ARHGAP10: variants seen among roughly 807,000 people sequenced by gnomAD.
ARHGAP10 encodes Rho GTPase activating protein 10.
A neutral mutation model predicts 108.6 loss-of-function variants in ARHGAP10; 87 were observed. The observed-to-expected ratio is 0.80, with a 90% CI of 0.67 to 0.96. ARHGAP10 has a LOEUF of 0.96. Ranked by LOEUF, ARHGAP10 falls within the 40% of genes least tolerant of loss-of-function variation. The pLI, the probability that ARHGAP10 is intolerant of heterozygous loss-of-function variation, is 0.00. For missense variants in ARHGAP10, 939 were observed against 954.5 expected, an observed-to-expected ratio of 0.98 and a Z score of 0.21; for synonymous variants, 347 against 341.1, an observed-to-expected ratio of 1.02 and a Z score of -0.19.
intron 18 of ARHGAP10, among the ~76,000 whole-genome samples, chr4:148,016,027 G>A (rs1359115832): frequency 6.6e-6 from 1 of 152,192 alleles, no homozygotes; most frequent in Non-Finnish European, 1.5e-5. Flanking sequence ...GTCAAGACAT[G>A]TACAGTGGAG....
intron 14 of ARHGAP10, among the ~76,000 whole-genome samples, chr4:147,944,757 T>A (rs543459961): frequency 6.6e-6 from 1 of 152,308 alleles, no homozygotes; most frequent in Non-Finnish European, 1.5e-5. Context: ...GTCTTTTCCA[T>A]GAACCTCTTA....
chr4:147,965,250 C>T, intron 17 of ARHGAP10, 121 bp downstream of exon 17: 1 of 621,850 alleles, frequency 1.6e-6, no homozygotes, highest in Non-Finnish European at 2.7e-6. Context: ...GAACGTTTGA[C>T]TCATTGTGTG....
In ARHGAP10 at chr4:147,925,718, A is replaced by G. The variant is rs567078718; in HGVS notation, c.1228+12579A>G. Among the ~76,000 whole-genome samples the G allele has an allele frequency of 5.9e-5, 9 of 152,314 alleles. No homozygotes were observed. The South Asian group carries it at 8.3e-4, about 14-fold the overall frequency. Reference sequence around the variant, plus strand: ...CTTTCATGTTAACCAGTTATCCTGCATAGTTCCACGGATACTAGTAGAAGA... The same window carrying G: ...CTTTCATGTTAACCAGTTATCCTGCGTAGTTCCACGGATACTAGTAGAAGA... On this transcript the variant is annotated intron_variant, in intron 13 of 22. Transcript: ENST00000336498.
At chr4:148,031,829 A>G (rs1026758984) in intron 19 of ARHGAP10, among the ~76,000 whole-genome samples, 1 of 152,164 alleles carries the variant, frequency 6.6e-6, no homozygotes, top group Non-Finnish European at 1.5e-5. Context: ...TCCAGGAGAA[A>G]AATCCAGGCC....
intron 17 of ARHGAP10, 57 bp from the exon 18 acceptor site, chr4:147,966,622 CA>C: frequency 2.1e-6 from 3 of 1,435,612 alleles, no homozygotes; most frequent in Non-Finnish European, 2.8e-6. Context: ...AGACTATTTA[CA>C]GTCCACAATT....
intron 10 of ARHGAP10, among the ~76,000 whole-genome samples, chr4:147,894,880 T>C (rs909534574): frequency 6.6e-5 from 10 of 152,208 alleles, no homozygotes; most frequent in African/African-American, 2.4e-4. Context: ...TTGCATCTCT[T>C]TGTCTGTTCT....
intron 13 of ARHGAP10, among the ~76,000 whole-genome samples, chr4:147,927,062 A>G (rs145868529): frequency 2.0e-4 from 30 of 152,308 alleles, no homozygotes; most frequent in African/African-American, 7.0e-4. Flanking sequence ...TGCTTCCAAG[A>G]CTGTGTTTTA....
At chr4:147,734,539 T>C (rs770348181) in intron 1 of ARHGAP10, among the ~76,000 whole-genome samples, 2 of 152,198 alleles carry the variant, frequency 1.3e-5, no homozygotes, top group African/African-American at 4.8e-5. Context: ...CTCACATGCC[T>C]TTTCCCGCTT....
intron 3 of ARHGAP10, among the ~76,000 whole-genome samples, chr4:147,837,641 C>CTTTTTTTTTTTTTTTTTTT (rs1355564479): frequency 2.0e-4 from 3 of 14,714 alleles, no homozygotes; most frequent in Non-Finnish European, 1.3e-3. Flanking sequence ...TCTCTGGTCA[C>CTTTTTTTTTTTTTTTTTTT]TGTTTTTTTT....
intron 3 of ARHGAP10, among the ~76,000 whole-genome samples, chr4:147,839,725 G>T (rs1426102482): frequency 6.6e-6 from 1 of 152,168 alleles, no homozygotes; most frequent in Non-Finnish European, 1.5e-5. Flanking sequence ...AGTGGAGTCT[G>T]ATTCTCTGCA....
At chr4:148,052,675 G>A (rs964123969) in intron 20 of ARHGAP10, among the ~76,000 whole-genome samples, 6 of 152,108 alleles carry the variant, frequency 3.9e-5, no homozygotes, top group Admixed American at 3.9e-4. Context: ...GCCTTCTTGT[G>A]GAAGGATGTG....
chr4:147,918,133 ATTTTTT>A (rs760617123), intron 13 of ARHGAP10, among the ~76,000 whole-genome samples: 4 of 129,978 alleles, frequency 3.1e-5, no homozygotes, highest in South Asian at 2.4e-4. Flanking sequence ...TCTCATTAAG[ATTTTTT>A]TTTTTTTTTT....
intron 13 of ARHGAP10, among the ~76,000 whole-genome samples, chr4:147,936,797 GC>G (rs1737968105): frequency 6.6e-6 from 1 of 152,182 alleles, no homozygotes; most frequent in African/African-American, 2.4e-5. Flanking sequence ...TGCTTGGGCT[GC>G]CATAATAAAG....
At chr4:147,994,003 G>A (rs1358854818) in intron 18 of ARHGAP10, among the ~76,000 whole-genome samples, 4 of 152,178 alleles carry the variant, frequency 2.6e-5, no homozygotes, top group African/African-American at 9.6e-5. Flanking sequence ...AATGAAGCTT[G>A]GAGAGCTGAA....
intron 1 of ARHGAP10, among the ~76,000 whole-genome samples, chr4:147,777,767 T>C (rs566602429): frequency 6.6e-6 from 1 of 152,262 alleles, no homozygotes; most frequent in South Asian, 2.1e-4. Flanking sequence ...CAGGAGGTGT[T>C]GGGGGAGTGG....
chr4:148,029,209 G>A (rs775870105), intron 19 of ARHGAP10, among the ~76,000 whole-genome samples: 1 of 152,146 alleles, frequency 6.6e-6, no homozygotes, highest in Non-Finnish European at 1.5e-5. Flanking sequence ...ATAACTATGA[G>A]CAAAGTACAG....
intron 19 of ARHGAP10, among the ~76,000 whole-genome samples, chr4:148,044,560 G>A (rs1270617298): frequency 2.0e-5 from 3 of 152,126 alleles, no homozygotes; most frequent in African/African-American, 7.2e-5. Flanking sequence ...AGCACTGAGG[G>A]CAGCCGTCAT....
chr4:147,749,765 C>A (rs1729066554), intron 1 of ARHGAP10, among the ~76,000 whole-genome samples: 1 of 152,190 alleles, frequency 6.6e-6, no homozygotes, highest in South Asian at 2.1e-4. Flanking sequence ...GCACTATTTT[C>A]TGTTCATTGC....
At chr4:147,945,906 C>T (rs539142079) in intron 14 of ARHGAP10, among the ~76,000 whole-genome samples, 7 of 152,238 alleles carry the variant, frequency 4.6e-5, no homozygotes, top group East Asian at 1.9e-4. Context: ...CGGGCTCCCA[C>T]CTCTCATATT....
Sources: allele counts gnomAD v4.1 joint callset (sites outside exome capture counted in the v4.1 genomes callset), GRCh38; gene constraint gnomAD v4.1.1; transcripts MANE v1.5; gene names NCBI Gene and HGNC (gene_info 2026-07-23, HGNC 2026-07-21).